ACAD10: variants seen among roughly 807,000 people sequenced by gnomAD.
ACAD10 encodes ACAD-10.
In ACAD10, 112 loss-of-function variants were observed where a neutral mutation model predicts 116.8. The ratio of observed to expected loss-of-function variants is 0.96; its 90% CI spans 0.82 to 1.12. The LOEUF is 1.12. Ranked by LOEUF, ACAD10 falls within the 50% of genes most tolerant of loss-of-function variation. The pLI, the probability that ACAD10 is intolerant of heterozygous loss-of-function variation, is 0.00. For synonymous variants in ACAD10, 486 were observed against 510.6 expected, an observed-to-expected ratio of 0.95 and a Z score of 0.65; for missense variants, 1,259 against 1,350.2, an observed-to-expected ratio of 0.93 and a Z score of 1.06.
At chr12:111,722,399 A>ATTTATTTT (rs1889041119) in intron 8 of ACAD10, among the ~76,000 whole-genome samples, 2 of 150,538 alleles carry the variant, frequency 1.3e-5, no homozygotes, top group East Asian at 3.9e-4. Context: ...TTATTTATTT[A>ATTTATTTT]TTTTTTATTG....
chr12:111,730,750 G>A (rs1346561176), intron 10 of ACAD10, among the ~76,000 whole-genome samples: 7 of 148,918 alleles, frequency 4.7e-5, no homozygotes, highest in Admixed American at 1.3e-4. Flanking sequence ...AGACATTTCC[G>A]TTTCTTTTTT....
intron 12 of ACAD10, among the ~76,000 whole-genome samples, chr12:111,741,879 C>G (rs1341609591): frequency 6.6e-6 from 1 of 152,168 alleles, no homozygotes; most frequent in Non-Finnish European, 1.5e-5. Flanking sequence ...AAGACATTCT[C>G]TCTATGGTGT....
intron 10 of ACAD10, among the ~76,000 whole-genome samples, chr12:111,730,252 C>T (rs1297360181): frequency 1.3e-5 from 2 of 152,182 alleles, no homozygotes; most frequent in African/African-American, 2.4e-5. Context: ...CAAAAATCTT[C>T]GCAGACCTGG....
intron 7 of ACAD10, among the ~76,000 whole-genome samples, chr12:111,721,203 TTACC>T (rs1309646559): frequency 6.6e-6 from 1 of 152,224 alleles, no homozygotes; most frequent in Non-Finnish European, 1.5e-5. Flanking sequence ...TTTTTTGTTC[TTACC>T]TACTTTTGGG....
chr12:111,737,248 T>G (rs1889594128), intron 12 of ACAD10, among the ~76,000 whole-genome samples: 1 of 152,212 alleles, frequency 6.6e-6, no homozygotes. Context: ...AGTGGTTTGA[T>G]CCTGGCTCAC....
chr12:111,748,194 A>G (rs1480158141), intron 16 of ACAD10, 123 bp from the exon 17 acceptor site: 4 of 1,237,098 alleles, frequency 3.2e-6, no homozygotes, highest in Non-Finnish European at 2.3e-6. Context: ...ATCTGATTAC[A>G]TGGAGCCTTA....
chr12:111,696,088 A>G (rs1336017122), intron 2 of ACAD10, among the ~76,000 whole-genome samples: 2 of 149,966 alleles, frequency 1.3e-5, no homozygotes, highest in African/African-American at 4.9e-5. Flanking sequence ...TTGAGATGGG[A>G]TCGCGCTCTG....
rs1363926800 is a variant in ACAD10, at chr12:111,729,976, G to T, written c.1394+20G>T. Reference sequence around the variant, plus strand: ...CTTCAGGTAGATGTGGTGGCAGGGAGAGCTGAAAAATGACAGCAAGGATGC... The same window carrying T: ...CTTCAGGTAGATGTGGTGGCAGGGATAGCTGAAAAATGACAGCAAGGATGC... On this transcript the variant is annotated intron_variant, in intron 10 of 20. Transcript: ENST00000313698. 6.2e-7 allele frequency: 1 copy of T among 1,610,170 alleles called. No homozygotes were observed. The highest frequency in any genetic ancestry group is 8.5e-7 in the Non-Finnish European group (1 of 1,177,654).
In ACAD10 at chr12:111,744,958, G is replaced by A. The variant is rs772020689; in HGVS notation, c.2030G>A (p.Arg677His). 12 of 1,614,136 alleles carry A rather than the reference G, an allele frequency of 7.4e-6. No individual in the cohort carries two copies. The East Asian group carries it at 8.9e-5, about 12-fold the overall frequency. The change falls in exon 13 of 21, where the codon CGT becomes CAT. Residue 677 changes from arginine to histidine, a missense_variant. Arg to His is a conservative substitution (Grantham distance 29). Coordinates refer to ENST00000313698, the MANE Select transcript of ACAD10 (RefSeq NM_025247.6). ...CGGCTGAAGCACTTCATGGAGCAAC[G>A]TGTGTACCCTGCAGAGCCAGAGCTG... ...YHRLKHFMEQ[R>H]VYPAEPELQS... is the part of the protein sequence containing the mutation.
intron 10 of ACAD10, 164 bp from the exon 11 acceptor site, chr12:111,733,759 G>A: frequency 1.4e-6 from 1 of 739,242 alleles, no homozygotes; most frequent in Non-Finnish European, 2.2e-6. Context: ...GAAGCCAGAG[G>A]GCAAGGGAGC....
chr12:111,700,873 C>T (rs1888330858), intron 2 of ACAD10, among the ~76,000 whole-genome samples: 1 of 151,426 alleles, frequency 6.6e-6, no homozygotes. Flanking sequence ...ATCCTTCCAC[C>T]TCAGTTTCCC....
chr12:111,692,072 G>A lies in ACAD10; in HGVS notation c.-13-625G>A, dbSNP rs181835826. On this transcript the variant is annotated intron_variant, in intron 1 of 20. Coordinates refer to ENST00000313698, the MANE Select transcript of ACAD10 (RefSeq NM_025247.6). Reference sequence around the variant, plus strand: ...CAACCTCTGCCTCCCGGGTTCAAGCGATTCTCCTGCCTCAGCCTCCTGAGT... The same window carrying A: ...CAACCTCTGCCTCCCGGGTTCAAGCAATTCTCCTGCCTCAGCCTCCTGAGT... Among the ~76,000 whole-genome samples the A allele has an allele frequency of 0.012, 1,803 of 152,016 alleles. 122 individuals are homozygous for A. The South Asian group carries it at 0.17, about 14-fold the overall frequency.
At chr12:111,746,933 G>A (rs1244167985) in intron 14 of ACAD10, 116 bp from the exon 15 acceptor site, 23 of 1,386,702 alleles carry the variant, frequency 1.7e-5, no homozygotes, top group Non-Finnish European at 2.2e-5. Flanking sequence ...TGAGGAAGTC[G>A]AGGCTGCAGT....
chr12:111,750,425 G>T (rs574674486), intron 18 of ACAD10, among the ~76,000 whole-genome samples: 2 of 152,112 alleles, frequency 1.3e-5, no homozygotes, highest in East Asian at 3.9e-4. Flanking sequence ...TGGCCAAAAA[G>T]AAAAAGTTTT....
At chr12:111,697,075 C>T (rs997603987) in intron 2 of ACAD10, among the ~76,000 whole-genome samples, 4 of 135,056 alleles carry the variant, frequency 3.0e-5, no homozygotes, top group South Asian at 4.9e-4. Context: ...AGCGAGACTC[C>T]GTCTCAAAAA....
chr12:111,694,551 A>T (rs1409894957), intron 2 of ACAD10, among the ~76,000 whole-genome samples: 1 of 152,240 alleles, frequency 6.6e-6, no homozygotes, highest in East Asian at 1.9e-4. Flanking sequence ...ATCACTGGAC[A>T]GAAAGTTTCT....
At chr12:111,731,945 T>G (rs1478539422) in intron 10 of ACAD10, among the ~76,000 whole-genome samples, 3 of 152,110 alleles carry the variant, frequency 2.0e-5, no homozygotes, top group African/African-American at 7.2e-5. Context: ...TACCTGAGTG[T>G]GGTGGTGCCC....
intron 17 of ACAD10, chr12:111,748,720 A>G (rs919940030): frequency 1.7e-6 from 1 of 588,598 alleles, no homozygotes. Flanking sequence ...GGAGTCTGTG[A>G]CACAGGAAGC....
At chr12:111,695,078 C>T (rs934699242) in intron 2 of ACAD10, among the ~76,000 whole-genome samples, 1 of 152,118 alleles carries the variant, frequency 6.6e-6, no homozygotes, top group Non-Finnish European at 1.5e-5. Context: ...CCTTTCATCC[C>T]TGGCTTGAAA....
Sources: allele counts gnomAD v4.1 joint callset (sites outside exome capture counted in the v4.1 genomes callset), GRCh38; gene constraint gnomAD v4.1.1; transcripts MANE v1.5; gene names NCBI Gene and HGNC (gene_info 2026-07-23, HGNC 2026-07-21).